WDR59: variants seen among roughly 807,000 people sequenced by gnomAD.
WDR59 encodes WD repeat domain 59.
Under a neutral mutation model 131.2 loss-of-function variants are expected in WDR59, and 100 were observed. That is an observed-to-expected ratio of 0.76 (90% confidence interval 0.65 to 0.90). The LOEUF is 0.90. Among genes scored for constraint, WDR59 ranks in the 40% least tolerant of loss-of-function variants. The pLI is 0.00. For synonymous variants in WDR59, 601 were observed against 466.2 expected, an observed-to-expected ratio of 1.29 and a Z score of -3.72; for missense variants, 1,203 against 1,262.2, an observed-to-expected ratio of 0.95 and a Z score of 0.71.
Position 74,976,690 on chromosome 16 carries a change from C to G in WDR59, c.54+8274G>C, listed in dbSNP as rs535783250. Among the ~76,000 whole-genome samples the G allele has an allele frequency of 5.9e-5, 9 of 152,284 alleles. No homozygotes were observed. In the East Asian group the frequency reaches 1.7e-3, roughly 29 times the overall value. On this transcript the variant is annotated intron_variant, in intron 1 of 25. Transcript: ENST00000262144. ...TCTTCTGACCTTGTGATCCGCCCAC[C>G]TTGGCCTCCCAAAGTGCTGGGATTA...
intron 1 of WDR59, among the ~76,000 whole-genome samples, chr16:74,980,475 T>C (rs2034357447): frequency 6.7e-6 from 1 of 148,450 alleles, no homozygotes; most frequent in Non-Finnish European, 1.5e-5. Flanking sequence ...TGCCTCAGCC[T>C]CCCGAGTAGG....
intron 18 of WDR59, among the ~76,000 whole-genome samples, chr16:74,901,564 G>C (rs1257127278): frequency 6.6e-6 from 1 of 151,492 alleles, no homozygotes; most frequent in East Asian, 1.9e-4. Context: ...GATCACTCGA[G>C]CCCAGGAGTC....
intron 3 of WDR59, among the ~76,000 whole-genome samples, chr16:74,953,925 C>G (rs1042530547): frequency 2.6e-5 from 4 of 151,298 alleles, no homozygotes; most frequent in African/African-American, 4.9e-5. Context: ...TGGCGTGAAC[C>G]CGGGAGGTGG....
chr16:74,901,864 A>C (rs575679317), intron 18 of WDR59, among the ~76,000 whole-genome samples: 21 of 133,256 alleles, frequency 1.6e-4, no homozygotes, highest in African/African-American at 5.1e-4. Flanking sequence ...CGCTTATGTA[A>C]TTCCCCCCTT....
At chr16:74,895,485 A>T (rs1186874146) in intron 18 of WDR59, among the ~76,000 whole-genome samples, 1 of 151,464 alleles carries the variant, frequency 6.6e-6, no homozygotes, top group African/African-American at 2.4e-5. Context: ...CTGGTCTTGA[A>T]CTCCTGACCT....
chr16:74,894,410 C>T (rs11864349), intron 18 of WDR59, among the ~76,000 whole-genome samples: 34,918 of 152,012 alleles, frequency 0.23, 4,269 homozygotes, highest in African/African-American at 0.27. Context: ...GCTTGGGTAA[C>T]AGACATGGAA....
chr16:74,880,815 G>A (rs538333163), intron 25 of WDR59, among the ~76,000 whole-genome samples: 8 of 152,328 alleles, frequency 5.3e-5, no homozygotes, highest in African/African-American at 1.9e-4. Context: ...CTTCCAGGAG[G>A]AAGTAAACTC....
intron 9 of WDR59, among the ~76,000 whole-genome samples, chr16:74,923,501 G>T (rs2030464181): frequency 6.6e-6 from 1 of 151,598 alleles, no homozygotes; most frequent in African/African-American, 2.4e-5. Context: ...TTTTGGAGAT[G>T]GAGTCTCGCT....
At chr16:74,878,774 T>C (rs1438891021) in intron 25 of WDR59, among the ~76,000 whole-genome samples, 1 of 152,234 alleles carries the variant, frequency 6.6e-6, no homozygotes, top group Non-Finnish European at 1.5e-5. Context: ...ACGTCCTCAG[T>C]GTCCAAAATA....
At position 74,896,072 on chromosome 16, in the gene WDR59, G is replaced by A. The variant is rs1470411967; in HGVS notation, c.1867-2260C>T. 2.6e-5 allele frequency among the ~76,000 whole-genome samples: 4 copies of A among 151,686 alleles called. No homozygotes were observed. The East Asian group carries it at 7.8e-4, about 29-fold the overall frequency. On this transcript the variant is annotated intron_variant, in intron 18 of 25. Coordinates refer to ENST00000262144, the MANE Select transcript of WDR59 (RefSeq NM_030581.4). The stretch of plus-strand genomic sequence containing the variant: ...CCACATAACTGGTCATCTCAAGTGA[G>A]ACTCAGGGCACTGGATTAAAAAAAA...
chr16:74,886,177 C>CAAAAAAAAAAA lies in WDR59; in HGVS notation c.2546+82_2546+92dup, dbSNP rs777732079. 1.4e-3 allele frequency: 1,438 copies of CAAAAAAAAAAA among 1,017,048 alleles called. 8 individuals carry two copies. Among genetic ancestry groups the CAAAAAAAAAAA allele is most frequent in the South Asian group, 3.3e-3 (192 of 58,806 alleles). 63.0% of individuals were successfully genotyped at this position (1,017,048 alleles called of 1,614,324 possible). A position where few individuals can be genotyped will look rare whatever the true frequency, so the allele number is the denominator to read the frequency against. On this transcript the variant is annotated intron_variant, in intron 24 of 25. Transcript: ENST00000262144. ...TAGTGACCGGGTAAGATTCTGTGTCCAAAAAAAAAAAAAGTAAGAGTTGTG... is the reference window on the plus strand; with the variant it reads ...TAGTGACCGGGTAAGATTCTGTGTCCAAAAAAAAAAAAAAAAAAAAAAAAGTAAGAGTTGTG...
chr16:74,885,477 T>G (rs1409045068), intron 25 of WDR59, among the ~76,000 whole-genome samples, 176 bp downstream of exon 25: 2 of 121,400 alleles, frequency 1.6e-5, no homozygotes, highest in East Asian at 6.9e-4. Flanking sequence ...AAAAAAAAAT[T>G]CATCCTGTTA....
chr16:74,941,785 T>C (rs1408001118), intron 7 of WDR59, among the ~76,000 whole-genome samples: 4 of 151,888 alleles, frequency 2.6e-5, no homozygotes, highest in Non-Finnish European at 5.9e-5. Flanking sequence ...TTCTGCCACA[T>C]AAGGCTTCCC....
chr16:74,969,360 C>T (rs1198815066), intron 1 of WDR59, among the ~76,000 whole-genome samples: 2 of 152,022 alleles, frequency 1.3e-5, no homozygotes, highest in Non-Finnish European at 2.9e-5. Flanking sequence ...GCAACCTCCA[C>T]CTCCCAGGTT....
At chr16:74,935,659 T>C (rs757125483) in intron 8 of WDR59, among the ~76,000 whole-genome samples, 1 of 152,088 alleles carries the variant, frequency 6.6e-6, no homozygotes, top group Non-Finnish European at 1.5e-5. Context: ...ACTAAAAAAA[T>C]GGTTGAATGT....
chr16:74,904,397 A>G (rs1965701785), intron 17 of WDR59: 1 of 244,836 alleles, frequency 4.1e-6, no homozygotes, highest in Non-Finnish European at 7.9e-6. Flanking sequence ...TTAGAAACAA[A>G]TATTTGGAAA....
In WDR59 at chr16:74,978,513, A is replaced by C. The variant is rs143080135; in HGVS notation, c.54+6451T>G. Among the ~76,000 whole-genome samples the C allele has an allele frequency of 4.7e-4, 72 of 152,220 alleles. No individual in the cohort carries two copies. The East Asian group carries it at 0.012, about 26-fold the overall frequency. ...CCCTTCAAAAAACAAAACAAAACAA[A>C]ACAAAAATGAAAGCCAGACTCAAAA... On this transcript the variant is annotated intron_variant, in intron 1 of 25. Coordinates refer to ENST00000262144, the MANE Select transcript of WDR59 (RefSeq NM_030581.4).
intron 8 of WDR59, among the ~76,000 whole-genome samples, chr16:74,934,591 T>A (rs2031651885): frequency 1.3e-5 from 2 of 152,194 alleles, no homozygotes; most frequent in South Asian, 4.1e-4. Flanking sequence ...AGATAATTTC[T>A]CCTTTTCATT....
chr16:74,903,864 C>G (rs1307002008), intron 18 of WDR59, 83 bp downstream of exon 18: 4 of 1,479,516 alleles, frequency 2.7e-6, no homozygotes, highest in Non-Finnish European at 3.6e-6. Flanking sequence ...GATTACTAAT[C>G]TAGCTGCTGC....
Sources: gnomAD v4.1 joint callset for allele counts (sites outside exome capture counted in the v4.1 genomes callset) on GRCh38, gnomAD v4.1.1 for gene constraint, MANE v1.5 for transcripts, NCBI Gene and HGNC (gene_info 2026-07-23, HGNC 2026-07-21) for gene names.